KLHL30: variants seen among roughly 807,000 people sequenced by gnomAD.
KLHL30 encodes the protein kelch like family member 30, also known as kelch-like protein 30.
A neutral mutation model predicts 55.0 loss-of-function variants in KLHL30; 55 were observed. The ratio of observed to expected loss-of-function variants is 1.00; its 90% CI spans 0.80 to 1.25. The LOEUF is 1.25. KLHL30 is among the 50% of genes most tolerant of loss of function. KLHL30 has a pLI of 0.00. For missense variants in KLHL30, 786 were observed against 811.6 expected, an observed-to-expected ratio of 0.97 and a Z score of 0.38; for synonymous variants, 356 against 372.6, an observed-to-expected ratio of 0.96 and a Z score of 0.51.
rs1328753839 is a variant in KLHL30 at position 238,141,417 on chromosome 2, A to AGTGCACCTGGACGCC, written c.668_682dup (p.His223_Val227dup). ...CCCACCTGCCCGAGCTGCTCAGCCTAGTGCACCTGGACGCCGTGCCCAGGC... is the reference window on the plus strand; with the variant it reads ...CCCACCTGCCCGAGCTGCTCAGCCTAGTGCACCTGGACGCCGTGCACCTGGACGCCGTGCCCAGGC... On this transcript the variant is annotated inframe_insertion, in exon 2 of 8. Coordinates refer to ENST00000409223, the MANE Select transcript of KLHL30 (RefSeq NM_198582.4). 1 of 1,575,122 alleles carries AGTGCACCTGGACGCC rather than the reference A, an allele frequency of 6.3e-7. No homozygotes were observed. The highest frequency in any genetic ancestry group is 8.6e-7 in the Non-Finnish European group (1 of 1,166,654).
At chr2:238,150,202 A>G (rs1297994445) in intron 7 of KLHL30, among the ~76,000 whole-genome samples, 3 of 152,118 alleles carry the variant, frequency 2.0e-5, no homozygotes, top group Non-Finnish European at 4.4e-5. Context: ...CCAGCACAGC[A>G]GGGCTCTGCC....
At chr2:238,145,931 G>A (rs773929214) in intron 5 of KLHL30, 99 bp downstream of exon 5, 76 of 1,325,156 alleles carry the variant, frequency 5.7e-5, no homozygotes, top group Middle Eastern at 5.2e-4. Flanking sequence ...CGGAGACCAC[G>A]GAGATGCCGC....
In KLHL30 at chr2:238,151,039, C is replaced by T; in HGVS notation, c.1711C>T (p.Pro571Ser). ...VFLDVSKWTQ[P>S]SGPTQEH The stretch of plus-strand genomic sequence containing the variant: ...CCTGGATGTCTCCAAGTGGACCCAG[C>T]CCTCCGGCCCCACCCAGGAGCACTA... The change falls in exon 8 of 8, where the codon CCC becomes TCC. Residue 571 changes from proline (P) to serine (S), a missense_variant. Transcript: ENST00000409223. 1 of 1,592,132 alleles carries T rather than the reference C, an allele frequency of 6.3e-7. No individual in the cohort carries two copies. Among genetic ancestry groups the T allele is most frequent in the Non-Finnish European group, 8.5e-7 (1 of 1,170,388 alleles).
intron 3 of KLHL30, among the ~76,000 whole-genome samples, chr2:238,144,630 G>A (rs1692615479): frequency 6.6e-6 from 1 of 151,272 alleles, no homozygotes. Context: ...TGAGACCCCG[G>A]CCTCCAAAAC....
intron 2 of KLHL30, among the ~76,000 whole-genome samples, chr2:238,142,501 G>A (rs997599206): frequency 2.0e-5 from 3 of 152,178 alleles, no homozygotes; most frequent in African/African-American, 4.8e-5. Flanking sequence ...CCACTGAGCC[G>A]GGACACCCTC....
Position 238,151,022 on chromosome 2 carries a change from T to C in KLHL30, c.1694T>C (p.Val565Ala), listed in dbSNP as rs1170745763. Residue 565 changes from valine (V) to alanine (A), a missense_variant, in exon 8 of 8, where the codon GTC (valine) becomes GCC (alanine). Transcript: ENST00000409223. The part of the protein sequence containing the change: ...YHGASTVFLD[V>A]SKWTQPSGPT... The stretch of plus-strand genomic sequence containing the variant: ...GGGGCCTCCACCGTCTTCCTGGATG[T>C]CTCCAAGTGGACCCAGCCCTCCGGC... 6.3e-7 allele frequency: 1 copy of C among 1,592,956 alleles called. No homozygotes were observed. The highest frequency in any genetic ancestry group is 8.5e-7 in the Non-Finnish European group (1 of 1,170,966).
chr2:238,144,412 AAGGAAGGAAGGAAGGAAGGAAGGCAGGC>A (rs1245220319), intron 3 of KLHL30, among the ~76,000 whole-genome samples: 84 of 115,364 alleles, frequency 7.3e-4, no homozygotes, highest in Middle Eastern at 4.0e-3. Flanking sequence ...GGAAGGAAGG[AAGGAAGGAAGGAAGGAAGGAAGGCAGGC>A]AGGCAGGCAG....
rs779801422 is a variant in KLHL30 at position 238,147,544 on chromosome 2, G to A, written c.1151-290G>A. Among the ~76,000 whole-genome samples, 23 of 152,128 alleles carry A rather than the reference G, an allele frequency of 1.5e-4. No individual in the cohort carries two copies. Among genetic ancestry groups the A allele is most frequent in the Non-Finnish European group, 3.1e-4 (21 of 67,996 alleles). ...CCCAGCACATGAGGGGCCTGGGGGC[G>A]GGCAGCCTCCTGACAGCTCCCCGCC... On this transcript the variant is annotated intron_variant, in intron 5 of 7. Coordinates refer to ENST00000409223, the MANE Select transcript of KLHL30 (RefSeq NM_198582.4). The surrounding 1 kb of genome is among the most constrained non-coding windows in gnomAD (Gnocchi z 5.8).
In KLHL30 at chr2:238,139,890, G is replaced by A. The variant is rs558990676; in HGVS notation, c.-70-795G>A. ...GATACCAGAAGGACATAAACCACAT[G>A]CACATAATTACATGAGCCTGAAAGC... On this transcript the variant is annotated intron_variant, in intron 1 of 7. Coordinates refer to ENST00000409223, the MANE Select transcript of KLHL30 (RefSeq NM_198582.4). Among the ~76,000 whole-genome samples the A allele has an allele frequency of 2.6e-5, 4 of 152,340 alleles. No individual in the cohort carries two copies. The South Asian group carries it at 8.3e-4, about 32-fold the overall frequency.
At chr2:238,144,424 A>AGGCAGGCAGGCAGGC (rs1559275987) in intron 3 of KLHL30, among the ~76,000 whole-genome samples, 12 of 82,708 alleles carry the variant, frequency 1.5e-4, no homozygotes, top group South Asian at 7.3e-4. Context: ...GGAAGGAAGG[A>AGGCAGGCAGGCAGGC]AGGAAGGAAG....
In KLHL30 at chr2:238,142,924, C is replaced by CAAGGCCAG; in HGVS notation, c.901_907+1dup. 6.6e-7 allele frequency: 1 copy of CAAGGCCAG among 1,507,422 alleles called. No individual in the cohort carries two copies. Among genetic ancestry groups the CAAGGCCAG allele is most frequent in the Non-Finnish European group, 8.8e-7 (1 of 1,141,236 alleles). The allele number at this position is 1,507,422 out of a possible 1,614,324, so 93.4% of individuals were successfully genotyped here. On this transcript the variant is annotated frameshift_variant, in exon 3 of 8. Transcript: ENST00000409223. LOFTEE classifies it high-confidence loss of function. ...TTGGGAACTTTGCCTTCTACAACAG[C>CAAGGCCAG]AAGGCCAGTGAGTACCCCTCCCGCG...
intron 3 of KLHL30, among the ~76,000 whole-genome samples, chr2:238,144,410 G>GGAAGGAAGGAAGGAAT (rs1559275897): frequency 3.9e-5 from 5 of 127,398 alleles, no homozygotes; most frequent in Non-Finnish European, 6.7e-5. Context: ...AAGGAAGGAA[G>GGAAGGAAGGAAGGAAT]GAAGGAAGGA....
At chr2:238,145,055 C>T in intron 4 of KLHL30, 67 bp downstream of exon 4, 4 of 1,288,078 alleles carry the variant, frequency 3.1e-6, no homozygotes, top group Non-Finnish European at 4.4e-6. Flanking sequence ...GTGCAACTCC[C>T]CGCACTCCGT....
chr2:238,143,025 G>T (rs527717830), intron 3 of KLHL30, 94 bp downstream of exon 3: 32 of 1,365,096 alleles, frequency 2.3e-5, no homozygotes, highest in Non-Finnish European at 3.0e-5. Flanking sequence ...CATGAGGCTC[G>T]CAGAGGACCG....
In KLHL30 at chr2:238,140,904, C is replaced by G; in HGVS notation, c.150C>G (p.Leu50=). Residue 50 remains leucine, a synonymous_variant, in exon 2 of 8, where the codon CTC becomes CTG. Transcript: ENST00000409223. ...GGRELPCHRG[L]LALSSPYFHA... is the part of the protein sequence containing the mutation. The stretch of plus-strand genomic sequence containing the variant: ...GGGAGCTGCCATGCCACCGCGGCCT[C>G]CTGGCGCTCAGCAGCCCCTACTTCC... 6.2e-7 allele frequency: 1 copy of G among 1,610,936 alleles called. No individual in the cohort carries two copies. Among genetic ancestry groups the G allele is most frequent in the South Asian group, 1.1e-5 (1 of 90,996 alleles).
chr2:238,142,668 C>T lies in KLHL30; in HGVS notation c.775-131C>T, dbSNP rs1051761229. The T allele has an allele frequency of 5.7e-5, 51 of 900,468 alleles. No homozygotes were observed. The African/African-American group carries it at 8.4e-4, about 15-fold the overall frequency. 55.8% of individuals were successfully genotyped at this position (900,468 alleles called of 1,614,324 possible). A position where few individuals can be genotyped will look rare whatever the true frequency, so the allele number is the denominator to read the frequency against. On this transcript the variant is annotated intron_variant, in intron 2 of 7. Coordinates refer to ENST00000409223, the MANE Select transcript of KLHL30 (RefSeq NM_198582.4). The stretch of plus-strand genomic sequence containing the variant: ...GCAAGGAGGGAGCAGCTTGTGCACT[C>T]GGGCACACGCCATCTCCAGCAACAT...
At chr2:238,139,148 C>T (rs1574754227) in intron 1 of KLHL30, among the ~76,000 whole-genome samples, 1 of 152,318 alleles carries the variant, frequency 6.6e-6, no homozygotes, top group East Asian at 1.9e-4. Context: ...CATGCAGGGA[C>T]TGCAGGGTGA....
In KLHL30 at chr2:238,141,343, C is replaced by G; in HGVS notation, c.589C>G (p.Leu197Val). The G allele has an allele frequency of 6.3e-7, 1 of 1,596,746 alleles. No individual in the cohort carries two copies. The highest frequency in any genetic ancestry group is 8.5e-7 in the Non-Finnish European group (1 of 1,175,180). The change falls in exon 2 of 8, where the codon CTC (leucine) becomes GTC (valine). Residue 197 changes from leucine (L) to valine (V), a missense_variant. Physicochemically the swap from Leu to Val is conservative, Grantham distance 32. Transcript: ENST00000409223. ...LLQVQPEQSR[L>V]EALMRWVRHD... Reference sequence around the variant, plus strand: ...GCAGGTACAGCCGGAGCAAAGCCGACTCGAGGCCCTGATGCGCTGGGTGCG... The same window carrying G: ...GCAGGTACAGCCGGAGCAAAGCCGAGTCGAGGCCCTGATGCGCTGGGTGCG...
intron 3 of KLHL30, among the ~76,000 whole-genome samples, chr2:238,144,369 C>CGGAAGGAAAGAA (rs71043108): frequency 4.8e-4 from 38 of 78,896 alleles, no homozygotes; most frequent in East Asian, 2.9e-3. Flanking sequence ...GGAGGGTGCT[C>CGGAAGGAAAGAA]GGAAGGAAGG....
Sources: allele counts gnomAD v4.1 joint callset (sites outside exome capture counted in the v4.1 genomes callset), GRCh38; gene constraint gnomAD v4.1.1; non-coding constraint Gnocchi (gnomAD v3.1); transcripts MANE v1.5; gene names NCBI Gene and HGNC (gene_info 2026-07-23, HGNC 2026-07-21).